The following ADGRL2 variants were observed in gnomAD, a reference collection of about 807,000 sequenced individuals.
The protein encoded by ADGRL2 is adhesion G protein-coupled receptor L2.
In ADGRL2, 44 loss-of-function variants were observed where a neutral mutation model predicts 157.4. The ratio of observed to expected loss-of-function variants is 0.28; its 90% CI spans 0.22 to 0.36. The LOEUF is 0.36. ADGRL2 is among the 10% of genes least tolerant of loss of function. The pLI is 1.00. For missense variants in ADGRL2, 1,510 were observed against 1,768.9 expected (o/e 0.85, Z 2.63); for synonymous variants, 585 against 624.7 (o/e 0.94, Z 0.95).
chr1:81,432,667 C>A (rs779856333), intron 1 of ADGRL2, among the ~76,000 whole-genome samples: 1 of 152,154 alleles, frequency 6.6e-6, no homozygotes, highest in Non-Finnish European at 1.5e-5. Flanking sequence ...TTCCTGCCCC[C>A]CTCCTCGGCG....
rs2082451068 is a variant in ADGRL2 at position 81,652,918 on chromosome 1, G to T, written c.-143+71938G>T. Among the ~76,000 whole-genome samples the T allele has an allele frequency of 2.6e-5, 4 of 152,078 alleles. No individual in the cohort carries two copies. The South Asian group carries it at 8.3e-4, about 32-fold the overall frequency. On this transcript the variant is annotated intron_variant, in intron 3 of 24. Transcript: ENST00000370721. The stretch of plus-strand genomic sequence containing the variant: ...CTCTTTAAATCATATTCTCCTTCCA[G>T]CTCTTTCTCATTTTTTTATCATTGC...
intron 1 of ADGRL2, among the ~76,000 whole-genome samples, chr1:81,397,063 T>G (rs1377561176): frequency 2.0e-5 from 3 of 152,204 alleles, no homozygotes; most frequent in Non-Finnish European, 4.4e-5. Context: ...TTCATTCTCC[T>G]TTAAATCTTT....
intron 3 of ADGRL2, among the ~76,000 whole-genome samples, chr1:81,672,707 T>G (rs2082900667): frequency 6.6e-6 from 1 of 152,218 alleles, no homozygotes; most frequent in Admixed American, 6.5e-5. Context: ...GAACCGTGAT[T>G]TCATAATGGA....
At chr1:81,345,446 C>T (rs1662411088) in intron 1 of ADGRL2, among the ~76,000 whole-genome samples, 1 of 152,220 alleles carries the variant, frequency 6.6e-6, no homozygotes, top group East Asian at 1.9e-4. Flanking sequence ...CATTCTGCTA[C>T]ATTGTCTCAT....
At chr1:81,570,845 C>A (rs1369925234) in intron 2 of ADGRL2, among the ~76,000 whole-genome samples, 1 of 152,076 alleles carries the variant, frequency 6.6e-6, no homozygotes, top group Admixed American at 6.6e-5. Context: ...GTACAGATTA[C>A]CACTGTGTAG....
chr1:81,852,003 G>T (rs778724800), intron 2 of ADGRL2, among the ~76,000 whole-genome samples: 44 of 151,906 alleles, frequency 2.9e-4, no homozygotes, highest in Admixed American at 4.6e-4. Context: ...TCTGTACAAT[G>T]ATGAACTATT....
intron 19 of ADGRL2, among the ~76,000 whole-genome samples, chr1:81,983,780 G>A (rs1163370007): frequency 1.3e-5 from 2 of 151,836 alleles, no homozygotes; most frequent in African/African-American, 4.8e-5. Context: ...GCAGTTGTTC[G>A]GACTTCACTT....
intron 1 of ADGRL2, among the ~76,000 whole-genome samples, chr1:81,405,188 C>T (rs557715938): frequency 6.6e-6 from 1 of 152,286 alleles, no homozygotes; most frequent in South Asian, 2.1e-4. Flanking sequence ...TGAGGAGCAG[C>T]ATGCTTTCTT....
At chr1:81,762,729 A>G (rs1277421021) in intron 2 of ADGRL2, among the ~76,000 whole-genome samples, 2 of 152,092 alleles carry the variant, frequency 1.3e-5, no homozygotes, top group African/African-American at 4.8e-5. Context: ...CAGAGGAGAG[A>G]GACTTGGCAG....
chr1:81,814,959 C>G (rs1372450215), intron 1 of ADGRL2, among the ~76,000 whole-genome samples: 2 of 151,676 alleles, frequency 1.3e-5, no homozygotes, highest in African/African-American at 4.8e-5. Flanking sequence ...TAAAAATAAA[C>G]ACAACATCTA....
At chr1:81,771,270 A>G (rs748453037) in intron 2 of ADGRL2, among the ~76,000 whole-genome samples, 4 of 152,136 alleles carry the variant, frequency 2.6e-5, no homozygotes, top group Admixed American at 6.5e-5. Context: ...ATTTTATCAA[A>G]TGTTTTCCCT....
At chr1:81,402,996 ACACT>A (rs1221684598) in intron 1 of ADGRL2, among the ~76,000 whole-genome samples, 1 of 152,256 alleles carries the variant, frequency 6.6e-6, no homozygotes, top group African/African-American at 2.4e-5. Context: ...AGTGGAGAAG[ACACT>A]CACTTTGCAA....
chr1:81,914,888 T>G (rs1557902256), intron 3 of ADGRL2, among the ~76,000 whole-genome samples: 1 of 152,170 alleles, frequency 6.6e-6, no homozygotes, highest in Non-Finnish European at 1.5e-5. Context: ...CTGATGGACA[T>G]TAAAGCAAAG....
At chr1:81,430,966 T>A (rs1332890435) in intron 1 of ADGRL2, among the ~76,000 whole-genome samples, 1 of 152,220 alleles carries the variant, frequency 6.6e-6, no homozygotes, top group Non-Finnish European at 1.5e-5. Flanking sequence ...ACATTCTATA[T>A]GTTTGGCTTA....
chr1:81,706,843 C>T (rs1295615179), intron 1 of ADGRL2, among the ~76,000 whole-genome samples: 3 of 152,066 alleles, frequency 2.0e-5, no homozygotes, highest in African/African-American at 7.2e-5. Context: ...ATGACTTAGT[C>T]ATGGATGACT....
chr1:81,945,919 C>T (rs1158298971), intron 6 of ADGRL2, among the ~76,000 whole-genome samples: 1 of 151,936 alleles, frequency 6.6e-6, no homozygotes, highest in Non-Finnish European at 1.5e-5. Flanking sequence ...TTTAGAGACT[C>T]CCTTCTCTCT....
At chr1:81,635,562 C>T (rs928584538) in intron 3 of ADGRL2, among the ~76,000 whole-genome samples, 2 of 152,154 alleles carry the variant, frequency 1.3e-5, no homozygotes, top group African/African-American at 4.8e-5. Flanking sequence ...CTTGGTGTCT[C>T]GTGAAGAGCT....
At chr1:81,559,616 C>T (rs1483335334) in intron 2 of ADGRL2, among the ~76,000 whole-genome samples, 2 of 152,050 alleles carry the variant, frequency 1.3e-5, no homozygotes, top group South Asian at 2.1e-4. Flanking sequence ...TACTAATTTT[C>T]AACATTGCTG....
At chr1:81,668,192 T>A (rs903931031) in intron 3 of ADGRL2, among the ~76,000 whole-genome samples, 1 of 151,848 alleles carries the variant, frequency 6.6e-6, no homozygotes, top group African/African-American at 2.4e-5. Context: ...GGGGGCGAAG[T>A]GGGGCGGATC....
Sources: gnomAD v4.1 joint callset for allele counts (sites outside exome capture counted in the v4.1 genomes callset) on GRCh38, gnomAD v4.1.1 for gene constraint, MANE v1.5 for transcripts, NCBI Gene and HGNC (gene_info 2026-07-23, HGNC 2026-07-21) for gene names.